The following TRPC4 variants were observed in gnomAD, a reference collection of about 807,000 sequenced individuals.
TRPC4 encodes transient receptor potential cation channel subfamily C member 4, also known as short transient receptor potential channel 4.
TRPC4 carries 49 observed loss-of-function variants against 99.4 expected under a neutral mutation model. The ratio of observed to expected loss-of-function variants is 0.49; its 90% CI spans 0.39 to 0.63. The LOEUF (loss-of-function observed/expected upper bound fraction) is 0.63, where lower values mean the gene tolerates loss of function less well. Ranked by LOEUF, TRPC4 falls within the 20% of genes least tolerant of loss-of-function variation. TRPC4 has a pLI of 0.00. For missense variants in TRPC4, 898 were observed against 1,152.9 expected (o/e 0.78, Z 3.20); for synonymous variants, 454 against 425.9 (o/e 1.07, Z -0.81).
intron 3 of TRPC4, among the ~76,000 whole-genome samples, chr13:37,725,598 C>T (rs1955025841): frequency 1.3e-5 from 2 of 151,936 alleles, no homozygotes; most frequent in South Asian, 2.1e-4. Flanking sequence ...TAATGTACTA[C>T]AAAATTAAAA....
chr13:37,737,972 A>G (rs73168464), intron 3 of TRPC4, among the ~76,000 whole-genome samples: 4,079 of 152,256 alleles, frequency 0.027, 88 homozygotes, highest in East Asian at 0.062. Flanking sequence ...ATTCCAGGGC[A>G]GGGAAAATGT....
intron 1 of TRPC4, among the ~76,000 whole-genome samples, chr13:37,799,337 C>A (rs604491): frequency 0.99 from 150,519 of 152,262 alleles, 74,420 homozygotes; most frequent in Middle Eastern, 1. Flanking sequence ...TTCCTCAAGA[C>A]TGATCTGATT....
rs1410385172 is a variant in TRPC4, at chr13:37,665,233, A to G, written c.1375-1504T>C. On this transcript the variant is annotated intron_variant, in intron 5 of 10. Coordinates refer to ENST00000379705, the MANE Select transcript of TRPC4 (RefSeq NM_016179.4). ...CACTTCTCTCTTAAAAGACACACAT[A>G]TTTAAGTCCGTAACTATTGATAGCT... 2.6e-5 allele frequency among the ~76,000 whole-genome samples: 4 copies of G among 152,236 alleles called. No homozygotes were observed. In the East Asian group the frequency reaches 5.8e-4, roughly 22 times the overall value.
At chr13:37,834,073 CA>C (rs1175668517) in intron 1 of TRPC4, among the ~76,000 whole-genome samples, 1 of 152,104 alleles carries the variant, frequency 6.6e-6, no homozygotes, top group Non-Finnish European at 1.5e-5. Context: ...TTTAGTTCAT[CA>C]GGTGACATAT....
At chr13:37,843,264 G>A (rs1000849252) in intron 1 of TRPC4, among the ~76,000 whole-genome samples, 1 of 152,140 alleles carries the variant, frequency 6.6e-6, no homozygotes, top group African/African-American at 2.4e-5. Context: ...ATTCAGCATA[G>A]GGCCAACCAC....
intron 1 of TRPC4, among the ~76,000 whole-genome samples, chr13:37,812,176 C>CAAAAAAAAAA (rs61607544): frequency 0.032 from 1,737 of 54,982 alleles, 230 homozygotes; most frequent in African/African-American, 0.059. Flanking sequence ...GAGACTCTAT[C>CAAAAAAAAAA]AAAAAAAAAA....
At chr13:37,694,946 C>T (rs1389184676) in intron 3 of TRPC4, among the ~76,000 whole-genome samples, 1 of 152,186 alleles carries the variant, frequency 6.6e-6, no homozygotes, top group Non-Finnish European at 1.5e-5. Context: ...ACCAAACATG[C>T]TCTTTACTTG....
rs1951472316 is a variant in TRPC4 at position 37,634,808 on chromosome 13, G to C, written c.*2095C>G. 6.6e-6 allele frequency among the ~76,000 whole-genome samples: 1 copy of C among 152,018 alleles called. No individual in the cohort carries two copies. The highest frequency in any genetic ancestry group is 6.6e-5 in the Admixed American group (1 of 15,236). ...CTGTAGGTATGATTTAGAAAAAAAT[G>C]AGTATTTCAGTAGCCCCAGGATTTG... On this transcript the variant is annotated 3_prime_UTR_variant, in exon 11 of 11. Transcript: ENST00000379705.
intron 6 of TRPC4, 101 bp from the exon 7 acceptor site, chr13:37,655,384 T>TATATATATATAA (rs1555251584): frequency 1.3e-5 from 5 of 374,728 alleles, no homozygotes; most frequent in African/African-American, 1.1e-4. Flanking sequence ...TATATATATA[T>TATATATATATAA]AATTAACTTA....
chr13:37,778,838 G>A (rs1419010128), intron 2 of TRPC4, among the ~76,000 whole-genome samples: 1 of 152,016 alleles, frequency 6.6e-6, no homozygotes. Flanking sequence ...AACCAGGTTA[G>A]CATAGTATAG....
At chr13:37,708,116 G>A (rs1264921269) in intron 3 of TRPC4, among the ~76,000 whole-genome samples, 1 of 152,102 alleles carries the variant, frequency 6.6e-6, no homozygotes, top group African/African-American at 2.4e-5. Context: ...ATACTTGATA[G>A]TAAATAGAAT....
At position 37,857,963 on chromosome 13, in the gene TRPC4, A is replaced by G. The variant is rs999499714; in HGVS notation, c.-28+11632T>C. The stretch of plus-strand genomic sequence containing the variant: ...TTCTGCACAGCAAAAGAAACAATCA[A>G]CAAAGTAAAAAGGCAACCCATAGAA... On this transcript the variant is annotated intron_variant, in intron 1 of 10. Coordinates refer to ENST00000379705, the MANE Select transcript of TRPC4 (RefSeq NM_016179.4). Among the ~76,000 whole-genome samples the G allele has an allele frequency of 5.3e-5, 8 of 151,916 alleles. No homozygotes were observed. In the South Asian group the frequency reaches 1.0e-3, roughly 20 times the overall value.
chr13:37,774,715 T>G (rs1293849740), intron 2 of TRPC4, among the ~76,000 whole-genome samples: 1 of 151,640 alleles, frequency 6.6e-6, no homozygotes, highest in Non-Finnish European at 1.5e-5. Context: ...AAAAGAACAT[T>G]TAAAATTCTG....
intron 7 of TRPC4, among the ~76,000 whole-genome samples, chr13:37,654,725 G>A (rs544549448): frequency 1.1e-4 from 17 of 152,144 alleles, no homozygotes; most frequent in East Asian, 3.9e-4. Context: ...GGATGACTTC[G>A]CTTATATGAG....
chr13:37,780,136 G>C (rs1433138838), intron 2 of TRPC4, among the ~76,000 whole-genome samples: 1 of 152,078 alleles, frequency 6.6e-6, no homozygotes, highest in African/African-American at 2.4e-5. Context: ...AAGCCTTTAA[G>C]TGTAGACAAA....
chr13:37,734,829 A>G (rs1271150382), intron 3 of TRPC4, among the ~76,000 whole-genome samples: 2 of 151,646 alleles, frequency 1.3e-5, no homozygotes, highest in East Asian at 3.9e-4. Context: ...GTTGTGTAGA[A>G]TTTTTTTTTC....
At chr13:37,775,405 T>TG (rs1163409768) in intron 2 of TRPC4, among the ~76,000 whole-genome samples, 11 of 115,778 alleles carry the variant, frequency 9.5e-5, no homozygotes, top group African/African-American at 2.0e-4. Context: ...TTTATTTATT[T>TG]GTTTTTTTTT....
chr13:37,712,822 T>C (rs1954528472), intron 3 of TRPC4, among the ~76,000 whole-genome samples: 1 of 152,200 alleles, frequency 6.6e-6, no homozygotes, highest in African/African-American at 2.4e-5. Context: ...AAATATCTCA[T>C]GTGCCTGAGA....
chr13:37,716,779 T>C (rs1181524497), intron 3 of TRPC4, among the ~76,000 whole-genome samples: 3 of 152,184 alleles, frequency 2.0e-5, no homozygotes, highest in African/African-American at 2.4e-5. Context: ...TCAACGAGCA[T>C]GGTATTTTTA....
Sources: allele counts gnomAD v4.1 joint callset (sites outside exome capture counted in the v4.1 genomes callset), GRCh38; gene constraint gnomAD v4.1.1; transcripts MANE v1.5; gene names NCBI Gene and HGNC (gene_info 2026-07-23, HGNC 2026-07-21).